The following STRN variants were observed in gnomAD, a reference collection of about 807,000 sequenced individuals.
STRN encodes striatin.
Under a neutral mutation model 96.3 loss-of-function variants are expected in STRN, and 53 were observed. The ratio of observed to expected loss-of-function variants is 0.55; its 90% CI spans 0.44 to 0.69. The LOEUF (loss-of-function observed/expected upper bound fraction) is 0.69, where lower values mean the gene tolerates loss of function less well. Ranked by LOEUF, STRN falls within the 30% of genes least tolerant of loss-of-function variation. The pLI is 0.00. For synonymous variants in STRN, 428 were observed against 355.9 expected (o/e 1.20, Z -2.28); for missense variants, 987 against 963.9 (o/e 1.02, Z -0.32).
At chr2:36,865,387 G>T (rs1558627422) in intron 12 of STRN, among the ~76,000 whole-genome samples, 1 of 152,026 alleles carries the variant, frequency 6.6e-6, no homozygotes, top group Non-Finnish European at 1.5e-5. Flanking sequence ...AGTTTAGCTA[G>T]TGGTCTACCT....
chr2:36,869,427 T>G, intron 11 of STRN, 127 bp downstream of exon 11: 1 of 932,918 alleles, frequency 1.1e-6, no homozygotes. Context: ...CACAATAAAT[T>G]ACATGACATG....
rs1364702827 is a variant in STRN at position 36,839,479 on chromosome 2, C to G, written c.*9977G>C. On this transcript the variant is annotated 3_prime_UTR_variant, in exon 18 of 18. Coordinates refer to ENST00000263918, the MANE Select transcript of STRN (RefSeq NM_003162.4). ...AGAAGCTATCAGGAGTGTGACCGAA[C>G]TACATGACCAGAAGTCTGTATTCAG... is the stretch of plus-strand genomic sequence containing the variant. Among the ~76,000 whole-genome samples the G allele has an allele frequency of 6.6e-6, 1 of 152,206 alleles. No homozygotes were observed. Among genetic ancestry groups the G allele is most frequent in the Non-Finnish European group, 1.5e-5 (1 of 68,044 alleles).
chr2:36,951,771 C>A (rs1664757712), intron 1 of STRN, among the ~76,000 whole-genome samples: 1 of 152,134 alleles, frequency 6.6e-6, no homozygotes, highest in Non-Finnish European at 1.5e-5. Context: ...CAAATATATA[C>A]CAAGTATGAG....
At chr2:36,877,864 C>A in intron 10 of STRN, 27 bp downstream of exon 10, 1 of 1,611,058 alleles carries the variant, frequency 6.2e-7, no homozygotes. Context: ...ACCAAGTAAA[C>A]ACAACAAAAA....
intron 1 of STRN, among the ~76,000 whole-genome samples, chr2:36,934,322 G>A (rs746517842): frequency 4.8e-4 from 73 of 152,254 alleles, no homozygotes; most frequent in Non-Finnish European, 8.5e-4. Context: ...CTTCATTAAA[G>A]TTGAAAAGGA....
At chr2:36,948,081 CTTTTTTTTTTTTTTTTTTTTTTT>C (rs553351693) in intron 1 of STRN, among the ~76,000 whole-genome samples, 59 of 68,142 alleles carry the variant, frequency 8.7e-4, no homozygotes, top group East Asian at 1.8e-3. Flanking sequence ...TCAGTGCACT[CTTTTTTTTTTTTTTTTTTTTTTT>C]TTTTTTTTTT....
intron 12 of STRN, among the ~76,000 whole-genome samples, chr2:36,866,373 T>A (rs1248796589): frequency 6.6e-6 from 1 of 152,232 alleles, no homozygotes; most frequent in Admixed American, 6.5e-5. Flanking sequence ...AGCCACTGAC[T>A]TTTATTTTTA....
chr2:36,944,351 T>C (rs756743215), intron 1 of STRN, among the ~76,000 whole-genome samples: 4 of 152,208 alleles, frequency 2.6e-5, no homozygotes, highest in Non-Finnish European at 5.9e-5. Flanking sequence ...GAAGGAAATA[T>C]ATGGCTGCAG....
chr2:36,942,819 C>T (rs891467019), intron 1 of STRN, among the ~76,000 whole-genome samples: 3 of 152,088 alleles, frequency 2.0e-5, no homozygotes, highest in African/African-American at 7.2e-5. Context: ...ACTCAGCCTT[C>T]TGAGTAGCTG....
chr2:36,840,704 A>G lies in STRN; in HGVS notation c.*8752T>C, dbSNP rs1667931596. On this transcript the variant is annotated 3_prime_UTR_variant, in exon 18 of 18. Transcript: ENST00000263918. ...GAAAAACGAACATGGTCTGTGCCTT[A>G]GGGAGCTTATATAGACAAAAGCAAA... 6.6e-6 allele frequency: 1 copy of G among 152,196 alleles called. No individual in the cohort carries two copies. The highest frequency in any genetic ancestry group is 2.4e-5 in the African/African-American group (1 of 41,444). 9.4% of individuals were successfully genotyped at this position (152,196 alleles called of 1,614,324 possible).
chr2:36,945,403 C>A (rs1046322220), intron 1 of STRN, among the ~76,000 whole-genome samples: 2 of 152,170 alleles, frequency 1.3e-5, no homozygotes, highest in Non-Finnish European at 2.9e-5. Flanking sequence ...CATGGTGGCT[C>A]GCGCCTGTAA....
Position 36,886,699 on chromosome 2 carries a change from C to G in STRN, c.1042+17G>C. ...AGGCAAGATTTATGATTTACAGATA[C>G]AATGTTTTCCACTTACTCTTCACCC... is the stretch of plus-strand genomic sequence containing the variant. On this transcript the variant is annotated intron_variant, in intron 8 of 17. Coordinates refer to ENST00000263918, the MANE Select transcript of STRN (RefSeq NM_003162.4). 6.3e-7 allele frequency: 1 copy of G among 1,582,582 alleles called. No homozygotes were observed. The highest frequency in any genetic ancestry group is 8.6e-7 in the Non-Finnish European group (1 of 1,160,682).
chr2:36,883,786 T>G lies in STRN; in HGVS notation c.1186+146A>C, dbSNP rs979630740. 1.9e-4 allele frequency: 147 copies of G among 777,168 alleles called. 1 individual carries two copies. The African/African-American group carries it at 2.4e-3, about 13-fold the overall frequency. The allele number at this position is 777,168 out of a possible 1,614,324, so 48.1% of individuals were successfully genotyped here. Reference sequence around the variant, plus strand: ...AGTTGGAATCAAACTCCCTTGAATGTAAGAAAGCTTGCATTTGGGGAAAAC... The same window carrying G: ...AGTTGGAATCAAACTCCCTTGAATGGAAGAAAGCTTGCATTTGGGGAAAAC... On this transcript the variant is annotated intron_variant, in intron 9 of 17. Transcript: ENST00000263918.
intron 1 of STRN, among the ~76,000 whole-genome samples, chr2:36,963,918 G>A (rs1430510535): frequency 6.6e-6 from 1 of 152,068 alleles, no homozygotes; most frequent in East Asian, 1.9e-4. Flanking sequence ...AAACCTGGGA[G>A]GCGGAGGTTG....
intron 6 of STRN, among the ~76,000 whole-genome samples, chr2:36,899,115 T>C (rs1237712940): frequency 6.6e-6 from 1 of 152,210 alleles, no homozygotes; most frequent in African/African-American, 2.4e-5. Flanking sequence ...TCTGAAAGTT[T>C]GCCTACCAAA....
At chr2:36,885,990 TA>T (rs1426238528) in intron 8 of STRN, among the ~76,000 whole-genome samples, 1 of 152,158 alleles carries the variant, frequency 6.6e-6, no homozygotes. Flanking sequence ...TAAGGTTTTG[TA>T]TTTCCATTTT....
chr2:36,947,838 G>C (rs1367402081), intron 1 of STRN, among the ~76,000 whole-genome samples: 6 of 151,474 alleles, frequency 4.0e-5, no homozygotes, highest in African/African-American at 1.5e-4. Context: ...GGTAAGTACT[G>C]ATCCCAAGAC....
At chr2:36,963,576 T>C (rs549348304) in intron 1 of STRN, among the ~76,000 whole-genome samples, 41 of 152,290 alleles carry the variant, frequency 2.7e-4, no homozygotes, top group Non-Finnish European at 5.0e-4. Context: ...AAATATATCA[T>C]ATTCATCCTG....
chr2:36,896,104 A>T (rs1255685848), intron 6 of STRN, among the ~76,000 whole-genome samples: 1 of 152,152 alleles, frequency 6.6e-6, no homozygotes, highest in African/African-American at 2.4e-5. Flanking sequence ...CACCACCAAC[A>T]TCTTACAGAG....
Sources: allele counts gnomAD v4.1 joint callset (sites outside exome capture counted in the v4.1 genomes callset), GRCh38; gene constraint gnomAD v4.1.1; transcripts MANE v1.5; gene names NCBI Gene and HGNC (gene_info 2026-07-23, HGNC 2026-07-21).